GALNT13: variants seen among roughly 807,000 people sequenced by gnomAD.
GALNT13 encodes polypeptide N-acetylgalactosaminyltransferase 13.
Under a neutral mutation model 64.2 loss-of-function variants are expected in GALNT13, and 28 were observed. That is an observed-to-expected ratio of 0.44 (90% CI 0.32 to 0.60). GALNT13 has a LOEUF of 0.60. GALNT13 is among the 20% of genes least tolerant of loss of function. The pLI is 0.05. For synonymous variants in GALNT13, 214 were observed against 224.6 expected, an observed-to-expected ratio of 0.95 and a Z score of 0.42; for missense variants, 577 against 669.8, an observed-to-expected ratio of 0.86 and a Z score of 1.53.
intron 4 of GALNT13, among the ~76,000 whole-genome samples, chr2:154,151,377 G>T (rs1684011931): frequency 6.6e-6 from 1 of 152,112 alleles, no homozygotes; most frequent in African/African-American, 2.4e-5. Context: ...GAATAGGTGT[G>T]GTGCAGTGCT....
chr2:153,359,972 A>G, the GALNT13 span, among the ~76,000 whole-genome samples: 3 of 152,222 alleles, frequency 2.0e-5, no homozygotes, highest in Non-Finnish European at 4.4e-5. Flanking sequence ...AGCATCAGTG[A>G]ATTTGCAGCA....
At chr2:153,732,934 C>T in the GALNT13 span, among the ~76,000 whole-genome samples, 704 of 152,120 alleles carry the variant, frequency 4.6e-3, 5 homozygotes, top group Non-Finnish European at 7.6e-3. Flanking sequence ...AGAGAAGAAC[C>T]GCTTACTCTC....
At chr2:153,337,911 C>T in the GALNT13 span, 2 of 152,160 alleles carry the variant, frequency 1.3e-5, no homozygotes, top group Non-Finnish European at 2.9e-5. Context: ...TACAGATAAA[C>T]TTCATGCATA....
At chr2:153,232,584 G>A in the GALNT13 span, among the ~76,000 whole-genome samples, 2 of 152,198 alleles carry the variant, frequency 1.3e-5, no homozygotes, top group African/African-American at 4.8e-5. Context: ...GCAGTGAGTT[G>A]TATAATAGAA....
the GALNT13 span, among the ~76,000 whole-genome samples, chr2:153,776,165 CA>C: frequency 6.6e-6 from 1 of 152,082 alleles, no homozygotes; most frequent in East Asian, 1.9e-4. Flanking sequence ...AGAAATAAAT[CA>C]AAAAACAAAT....
At chr2:153,714,959 T>C in the GALNT13 span, among the ~76,000 whole-genome samples, 11 of 152,204 alleles carry the variant, frequency 7.2e-5, no homozygotes, top group Admixed American at 2.0e-4. Flanking sequence ...CAAATGCTAC[T>C]TGGAAATTTT....
At chr2:154,300,328 C>A (rs1475009149) in intron 8 of GALNT13, among the ~76,000 whole-genome samples, 1 of 151,870 alleles carries the variant, frequency 6.6e-6, no homozygotes, top group Admixed American at 6.6e-5. Flanking sequence ...GTCTCAAACT[C>A]CTGACCTCAC....
intron 8 of GALNT13, among the ~76,000 whole-genome samples, chr2:154,281,178 C>T (rs1218760103): frequency 6.6e-6 from 1 of 152,134 alleles, no homozygotes; most frequent in African/African-American, 2.4e-5. Flanking sequence ...CATAAAAAAG[C>T]AATGCTTGTT....
At chr2:153,108,173 TG>T in the GALNT13 span, among the ~76,000 whole-genome samples, 2 of 152,186 alleles carry the variant, frequency 1.3e-5, no homozygotes, top group Non-Finnish European at 1.5e-5. Flanking sequence ...CCACCGTGCC[TG>T]GCTAAGAGCA....
chr2:153,961,652 C>A (rs774687788), intron 3 of GALNT13, among the ~76,000 whole-genome samples: 4 of 151,948 alleles, frequency 2.6e-5, no homozygotes, highest in Non-Finnish European at 5.9e-5. Flanking sequence ...AAAATGCTTT[C>A]AAAAATTAAT....
In GALNT13 at chr2:154,288,322, G is replaced by A. The variant is rs115211606; in HGVS notation, c.976-13087G>A. On this transcript the variant is annotated intron_variant, in intron 8 of 12. Coordinates refer to ENST00000392825, the MANE Select transcript of GALNT13 (RefSeq NM_052917.4). ...GGGAATCATGAGAGCTACAATTCAC[G>A]ATGAGATTTGGGTGGAGACAGAGCC... Among the ~76,000 whole-genome samples, 693 of 152,092 alleles carry A rather than the reference G, an allele frequency of 4.6e-3. 8 individuals are homozygous for A. The highest frequency in any genetic ancestry group is 0.016 in the African/African-American group (660 of 41,498).
the GALNT13 span, among the ~76,000 whole-genome samples, chr2:153,323,821 G>A: frequency 6.6e-6 from 1 of 152,056 alleles, no homozygotes; most frequent in African/African-American, 2.4e-5. Context: ...TTATTTCTGA[G>A]GCCTCTGTTC....
At chr2:153,491,072 A>G in the GALNT13 span, among the ~76,000 whole-genome samples, 1 of 152,158 alleles carries the variant, frequency 6.6e-6, no homozygotes, top group Non-Finnish European at 1.5e-5. Context: ...ATGACTTAAT[A>G]CTATAAATCT....
At chr2:153,866,371 G>A in the GALNT13 span, among the ~76,000 whole-genome samples, 2 of 152,082 alleles carry the variant, frequency 1.3e-5, no homozygotes, top group Non-Finnish European at 2.9e-5. Flanking sequence ...TGTACGAAAG[G>A]CACTGTGCTT....
At chr2:153,438,313 C>G in the GALNT13 span, among the ~76,000 whole-genome samples, 1 of 152,212 alleles carries the variant, frequency 6.6e-6, no homozygotes, top group East Asian at 1.9e-4. Context: ...CTTGGAGTTG[C>G]TCTTCTCGAG....
intron 9 of GALNT13, among the ~76,000 whole-genome samples, chr2:154,378,791 G>A (rs1302221039): frequency 2.6e-5 from 4 of 151,696 alleles, no homozygotes; most frequent in Non-Finnish European, 5.9e-5. Flanking sequence ...ACATCAAATC[G>A]TACCCCATAA....
rs188294500 is a variant in GALNT13, at chr2:154,040,906, C to G, written c.142+96267C>G. On this transcript the variant is annotated intron_variant, in intron 3 of 12. Coordinates refer to ENST00000392825, the MANE Select transcript of GALNT13 (RefSeq NM_052917.4). ...TATTCATTATTATTCCTTAGATGCT[C>G]GAATCCTCCATACAATGTGGTACTT... is the stretch of plus-strand genomic sequence containing the variant. 2.2e-4 allele frequency among the ~76,000 whole-genome samples: 31 copies of G among 139,440 alleles called. 7 individuals carry two copies. In the South Asian group the frequency reaches 4.8e-3, roughly 22 times the overall value. The allele number at this position is 139,440 out of a possible 152,430, so 91.5% of individuals were successfully genotyped here. A position where few individuals can be genotyped will look rare whatever the true frequency, so the allele number is the denominator to read the frequency against.
At chr2:153,912,576 T>TG (rs1196535681) in intron 2 of GALNT13, among the ~76,000 whole-genome samples, 1 of 140,634 alleles carries the variant, frequency 7.1e-6, no homozygotes, top group Non-Finnish European at 1.6e-5. Context: ...ATCATTTAGA[T>TG]GTTTTTTTTT....
chr2:153,605,629 G>A, the GALNT13 span, among the ~76,000 whole-genome samples: 1 of 152,022 alleles, frequency 6.6e-6, no homozygotes, highest in Admixed American at 6.6e-5. Context: ...GTGAACTCAT[G>A]TCAGACTTTA....
Sources: allele counts gnomAD v4.1 joint callset (sites outside exome capture counted in the v4.1 genomes callset), GRCh38; gene constraint gnomAD v4.1.1; transcripts MANE v1.5; gene names NCBI Gene and HGNC (gene_info 2026-07-23, HGNC 2026-07-21).